SPON1: variants seen among roughly 807,000 people sequenced by gnomAD.
SPON1 encodes the protein spondin-1.
Under a neutral mutation model 111.7 loss-of-function variants are expected in SPON1, and 52 were observed. The ratio of observed to expected loss-of-function variants is 0.47; its 90% CI spans 0.37 to 0.59. The LOEUF (loss-of-function observed/expected upper bound fraction) is 0.59, where lower values mean the gene tolerates loss of function less well. SPON1 is among the 20% of genes least tolerant of loss of function. The probability of loss-of-function intolerance (pLI) is 0.00; values close to 1 mark genes in which losing one functional copy is unlikely to be tolerated. For missense variants in SPON1, 957 were observed against 1,068.5 expected (o/e 0.90, Z 1.46); for synonymous variants, 410 against 395.8 (o/e 1.04, Z -0.43).
chr11:14,205,167 A>T (rs1554936058), intron 6 of SPON1, among the ~76,000 whole-genome samples: 1 of 152,160 alleles, frequency 6.6e-6, no homozygotes, highest in African/African-American at 2.4e-5. Flanking sequence ...TTTAAGATTC[A>T]GTTCAAATTT....
At chr11:13,976,532 A>G (rs1023306841) in intron 1 of SPON1, among the ~76,000 whole-genome samples, 1 of 152,154 alleles carries the variant, frequency 6.6e-6, no homozygotes, top group Admixed American at 6.5e-5. Context: ...CCTTCATCTC[A>G]TGTGTTATAT....
intron 5 of SPON1, among the ~76,000 whole-genome samples, chr11:14,124,547 G>A (rs1318691651): frequency 2.0e-5 from 3 of 152,100 alleles, no homozygotes; most frequent in Non-Finnish European, 2.9e-5. Context: ...TCTAAGACCG[G>A]GATCAAGTCT....
At chr11:14,194,754 C>T (rs1848383211) in intron 6 of SPON1, among the ~76,000 whole-genome samples, 2 of 152,134 alleles carry the variant, frequency 1.3e-5, no homozygotes, top group South Asian at 4.1e-4. Context: ...AGGGATTCTT[C>T]TAAAAATGAT....
chr11:14,154,382 C>T (rs1554930178), intron 6 of SPON1, among the ~76,000 whole-genome samples: 3 of 152,234 alleles, frequency 2.0e-5, no homozygotes, highest in Non-Finnish European at 4.4e-5. Context: ...ACAGGCTTAA[C>T]ACTGTGTGGA....
At chr11:14,138,736 A>C (rs1847619944) in intron 6 of SPON1, among the ~76,000 whole-genome samples, 1 of 152,194 alleles carries the variant, frequency 6.6e-6, no homozygotes, top group Non-Finnish European at 1.5e-5. Flanking sequence ...GACCATTTCT[A>C]CTTCAGTAAG....
intron 3 of SPON1, among the ~76,000 whole-genome samples, chr11:14,053,820 A>C (rs1209902517): frequency 6.6e-6 from 1 of 152,206 alleles, no homozygotes; most frequent in Non-Finnish European, 1.5e-5. Flanking sequence ...AAATGGGTTG[A>C]TTAGATCTTT....
At chr11:14,247,075 G>T (rs1445715300) in intron 7 of SPON1, among the ~76,000 whole-genome samples, 1 of 152,204 alleles carries the variant, frequency 6.6e-6, no homozygotes, top group Non-Finnish European at 1.5e-5. Context: ...GCCAAGCCAT[G>T]TAACATTTGA....
At chr11:14,185,701 A>G (rs1405487741) in intron 6 of SPON1, among the ~76,000 whole-genome samples, 1 of 152,250 alleles carries the variant, frequency 6.6e-6, no homozygotes, top group African/African-American at 2.4e-5. Flanking sequence ...GGCCAGTTGA[A>G]TGGATTTTTC....
At chr11:14,161,211 ATATATATC>A (rs1564920139) in intron 6 of SPON1, among the ~76,000 whole-genome samples, 1 of 59,036 alleles carries the variant, frequency 1.7e-5, no homozygotes, top group African/African-American at 6.9e-5. Context: ...TTATATATTT[ATATATATC>A]TATATATATT....
rs140780609 is a variant in SPON1 at position 14,143,680 on chromosome 11, A to G, written c.825+8112A>G. ...GGCCCTAGCCAAAGGACAGGAGCTC[A>G]GGGCAGGATTTCAGTCCTGTAGAAG... On this transcript the variant is annotated intron_variant, in intron 6 of 15. Coordinates refer to ENST00000576479, the MANE Select transcript of SPON1 (RefSeq NM_006108.4). Among the ~76,000 whole-genome samples the G allele has an allele frequency of 2.4e-4, 31 of 128,262 alleles. No homozygotes were observed. The East Asian group carries it at 8.3e-3, about 34-fold the overall frequency. The allele number at this position is 128,262 out of a possible 152,430, so 84.1% of individuals were successfully genotyped here. A position where few individuals can be genotyped will look rare whatever the true frequency, so the allele number is the denominator to read the frequency against.
rs1202915066 is a variant in SPON1 at position 13,997,956 on chromosome 11, C to T, written c.345+15003C>T. Reference sequence around the variant, plus strand: ...ACCACACTAGATACTATTCTAGTTGCTTCGTATACTTTAACTTTCTTCCTC... The same window carrying T: ...ACCACACTAGATACTATTCTAGTTGTTTCGTATACTTTAACTTTCTTCCTC... On this transcript the variant is annotated intron_variant, in intron 2 of 15. Coordinates refer to ENST00000576479, the MANE Select transcript of SPON1 (RefSeq NM_006108.4). Among the ~76,000 whole-genome samples, 7 of 152,210 alleles carry T rather than the reference C, an allele frequency of 4.6e-5. No homozygotes were observed. The East Asian group carries it at 5.8e-4, about 13-fold the overall frequency.
chr11:14,026,787 T>A lies in SPON1; in HGVS notation c.346-14734T>A, dbSNP rs566727797. Among the ~76,000 whole-genome samples, 4 of 152,280 alleles carry A rather than the reference T, an allele frequency of 2.6e-5. No homozygotes were observed. The South Asian group carries it at 8.3e-4, about 32-fold the overall frequency. ...TTCTATGTATAATCTTCTCAATGCA[T>A]TGTAAAATGTTTTAAAGGGATTATA... On this transcript the variant is annotated intron_variant, in intron 2 of 15. Transcript: ENST00000576479.
Position 14,266,933 on chromosome 11 carries a change from GACC to G in SPON1, c.*1251_*1253del, listed in dbSNP as rs1554942558. 6.6e-6 allele frequency: 1 copy of G among 152,170 alleles called. No individual in the cohort carries two copies. The highest frequency in any genetic ancestry group is 1.5e-5 in the Non-Finnish European group (1 of 68,042). 9.4% of individuals were successfully genotyped at this position (152,170 alleles called of 1,614,324 possible). On this transcript the variant is annotated 3_prime_UTR_variant, in exon 16 of 16. Transcript: ENST00000576479. ...TAAGCACACCAGATTCAGGGAGACTGACCACCAAGGGATAGTGTAAAAGGACAT... is the reference window on the plus strand; with the variant it reads ...TAAGCACACCAGATTCAGGGAGACTGACCAAGGGATAGTGTAAAAGGACAT...
intron 6 of SPON1, among the ~76,000 whole-genome samples, chr11:14,140,454 G>C (rs892635368): frequency 6.6e-6 from 1 of 152,182 alleles, no homozygotes; most frequent in Non-Finnish European, 1.5e-5. Flanking sequence ...GAGTGCAGTG[G>C]TGCAATCTTA....
At chr11:14,230,142 C>T (rs1275598253) in intron 6 of SPON1, among the ~76,000 whole-genome samples, 1 of 152,156 alleles carries the variant, frequency 6.6e-6, no homozygotes, top group Non-Finnish European at 1.5e-5. Context: ...TGTTACTTTG[C>T]ATTTAAATAG....
At chr11:14,182,276 G>A (rs782441531) in intron 6 of SPON1, among the ~76,000 whole-genome samples, 2 of 152,172 alleles carry the variant, frequency 1.3e-5, no homozygotes, top group Non-Finnish European at 2.9e-5. Context: ...ATAGGCATGT[G>A]TGAGAGAGGC....
chr11:14,054,888 G>A (rs1470620409), intron 3 of SPON1, among the ~76,000 whole-genome samples: 4 of 152,120 alleles, frequency 2.6e-5, no homozygotes, highest in African/African-American at 4.8e-5. Flanking sequence ...TGTGCAAATC[G>A]GTCTCAAAGT....
At chr11:14,208,829 A>G (rs1848543027) in intron 6 of SPON1, among the ~76,000 whole-genome samples, 1 of 152,228 alleles carries the variant, frequency 6.6e-6, no homozygotes, top group African/African-American at 2.4e-5. Flanking sequence ...ACTGTTCTAT[A>G]TGCCTGGTTT....
chr11:14,146,632 CAGTCA>C (rs1554929373), intron 6 of SPON1, among the ~76,000 whole-genome samples: 1 of 151,924 alleles, frequency 6.6e-6, no homozygotes, highest in East Asian at 1.9e-4. Context: ...GAAAACTAAA[CAGTCA>C]ACAATAGTCA....
Sources: gnomAD v4.1 joint callset for allele counts (sites outside exome capture counted in the v4.1 genomes callset) on GRCh38, gnomAD v4.1.1 for gene constraint, MANE v1.5 for transcripts, NCBI Gene and HGNC (gene_info 2026-07-23, HGNC 2026-07-21) for gene names.